Variants in APBB2 observed in about 807,000 individuals in gnomAD.
APBB2 encodes amyloid beta precursor protein binding family B member 2.
Under a neutral mutation model 82.5 loss-of-function variants are expected in APBB2, and 38 were observed. The ratio of observed to expected loss-of-function variants is 0.46; its 90% confidence interval spans 0.36 to 0.60. The LOEUF is 0.60. APBB2 is among the 20% of genes least tolerant of loss of function. The pLI is 0.00. For synonymous variants in APBB2, 341 were observed against 368.2 expected (o/e 0.93, Z 0.85); for missense variants, 772 against 972.3 (o/e 0.79, Z 2.74).
intron 10 of APBB2, among the ~76,000 whole-genome samples, chr4:40,894,714 T>C (rs956286532): frequency 2.0e-5 from 3 of 152,328 alleles, no homozygotes; most frequent in Admixed American, 6.5e-5. Context: ...TTTTTTAAGG[T>C]TCTGTAATTC....
intron 4 of APBB2, among the ~76,000 whole-genome samples, chr4:41,060,204 T>G (rs575977426): frequency 6.6e-6 from 1 of 152,058 alleles, no homozygotes; most frequent in Non-Finnish European, 1.5e-5. Context: ...TGGCAAAACC[T>G]GTGCCCAAGA....
At chr4:41,037,434 T>G (rs1360587058) in intron 4 of APBB2, among the ~76,000 whole-genome samples, 1 of 152,256 alleles carries the variant, frequency 6.6e-6, no homozygotes, top group Non-Finnish European at 1.5e-5. Context: ...ACATAGCGTA[T>G]ATTAAAACCA....
intron 2 of APBB2, among the ~76,000 whole-genome samples, chr4:41,139,264 G>A (rs528377471): frequency 1.3e-5 from 2 of 152,112 alleles, no homozygotes; most frequent in African/African-American, 4.8e-5. Flanking sequence ...AGAAAATCAT[G>A]ACCATATCAA....
At chr4:40,836,617 A>T (rs1754042916) in intron 12 of APBB2, among the ~76,000 whole-genome samples, 1 of 152,246 alleles carries the variant, frequency 6.6e-6, no homozygotes, top group Non-Finnish European at 1.5e-5. Flanking sequence ...GGAAGAGGGC[A>T]GGAGAAGCCC....
chr4:41,074,695 C>T (rs1202961519), intron 3 of APBB2, among the ~76,000 whole-genome samples: 9 of 151,326 alleles, frequency 5.9e-5, no homozygotes, highest in Non-Finnish European at 8.8e-5. Context: ...CTGCCAGCTC[C>T]GCCTCCCGGG....
chr4:41,024,553 A>C (rs888823462), intron 5 of APBB2, among the ~76,000 whole-genome samples: 36 of 152,254 alleles, frequency 2.4e-4, no homozygotes, highest in African/African-American at 8.7e-4. Context: ...AGTAGCAGGC[A>C]AAGCCTGGAC....
In APBB2 at chr4:40,953,626, C is replaced by G. The variant is rs147892777; in HGVS notation, c.836-8553G>C. Among the ~76,000 whole-genome samples, 785 of 152,320 alleles carry G rather than the reference C, an allele frequency of 5.2e-3. 6 individuals carry two copies. Among genetic ancestry groups the G allele is most frequent in the African/African-American group, 0.018 (735 of 41,568 alleles). On this transcript the variant is annotated intron_variant, in intron 6 of 17. Coordinates refer to ENST00000508593, the MANE Select transcript of APBB2 (RefSeq NM_004307.2). ...CTCCAGTAAATCCAGGCCAGCCACT[C>G]CAGCTGGCCCATATATTTCTAAAAC...
intron 2 of APBB2, among the ~76,000 whole-genome samples, chr4:41,129,494 T>C (rs1201113801): frequency 6.6e-6 from 1 of 152,192 alleles, no homozygotes; most frequent in Non-Finnish European, 1.5e-5. Context: ...ATTACTTGCT[T>C]TTTTACTTTT....
At chr4:40,936,295 A>C (rs1301212770) in intron 7 of APBB2, among the ~76,000 whole-genome samples, 1 of 152,260 alleles carries the variant, frequency 6.6e-6, no homozygotes, top group African/African-American at 2.4e-5. Flanking sequence ...TCTGTCACCC[A>C]GGCTGGAGTG....
intron 12 of APBB2, among the ~76,000 whole-genome samples, chr4:40,885,232 T>A (rs1769874987): frequency 6.6e-6 from 1 of 152,168 alleles, no homozygotes; most frequent in Non-Finnish European, 1.5e-5. Flanking sequence ...ACAAACCACA[T>A]GGCTCATGCA....
rs1280013930 is a variant in APBB2, at chr4:40,944,726, T to C, written c.1044+139A>G. 5 of 781,692 alleles carry C rather than the reference T, an allele frequency of 6.4e-6. No individual in the cohort carries two copies. The Admixed American group carries it at 1.2e-4, about 19-fold the overall frequency. 48.4% of individuals were successfully genotyped at this position (781,692 alleles called of 1,614,324 possible). ...AACACTATTTACTAAGAGGAAGCAT[T>C]ACTGAGATTTCAAATGCAACATGCA... On this transcript the variant is annotated intron_variant, in intron 7 of 17. Coordinates refer to ENST00000508593, the MANE Select transcript of APBB2 (RefSeq NM_004307.2).
intron 7 of APBB2, among the ~76,000 whole-genome samples, chr4:40,943,679 T>C (rs1390431433): frequency 1.3e-5 from 2 of 152,368 alleles, no homozygotes; most frequent in East Asian, 3.9e-4. Flanking sequence ...GGAATTATTA[T>C]GCTTCAATAA....
At chr4:41,154,228 T>C (rs1294920904) in intron 1 of APBB2, among the ~76,000 whole-genome samples, 2 of 152,186 alleles carry the variant, frequency 1.3e-5, no homozygotes, top group African/African-American at 4.8e-5. Flanking sequence ...CTTGTTTTTT[T>C]CCTCCAATAG....
At chr4:40,913,281 T>C (rs560369297) in intron 10 of APBB2, among the ~76,000 whole-genome samples, 10 of 152,026 alleles carry the variant, frequency 6.6e-5, no homozygotes, top group African/African-American at 2.2e-4. Context: ...AACAGGTATA[T>C]TTGCAATATG....
At chr4:41,160,131 C>A (rs1287657265) in intron 1 of APBB2, among the ~76,000 whole-genome samples, 1 of 152,062 alleles carries the variant, frequency 6.6e-6, no homozygotes, top group African/African-American at 2.4e-5. Flanking sequence ...GTGATTCAGA[C>A]AACAGTAATG....
chr4:41,190,510 A>G (rs1230233516), intron 1 of APBB2, among the ~76,000 whole-genome samples: 3 of 151,956 alleles, frequency 2.0e-5, no homozygotes, highest in African/African-American at 7.3e-5. Flanking sequence ...CAGCCTCCCA[A>G]AGCTCTGGGA....
At chr4:41,188,749 T>C (rs905602951) in intron 1 of APBB2, among the ~76,000 whole-genome samples, 1 of 151,904 alleles carries the variant, frequency 6.6e-6, no homozygotes, top group Non-Finnish European at 1.5e-5. Flanking sequence ...TCTAACCGGG[T>C]TAAAAGTGGT....
intron 6 of APBB2, among the ~76,000 whole-genome samples, chr4:41,003,712 G>A (rs759549690): frequency 1.6e-4 from 25 of 151,966 alleles, no homozygotes; most frequent in Non-Finnish European, 2.6e-4. Context: ...ATGACATTTC[G>A]ATTTTGGATT....
At chr4:41,059,948 C>T (rs1729213175) in intron 4 of APBB2, among the ~76,000 whole-genome samples, 1 of 151,610 alleles carries the variant, frequency 6.6e-6, no homozygotes, top group South Asian at 2.1e-4. Context: ...CCACTCCACT[C>T]CAGCCTATGT....
Sources: gnomAD v4.1 joint callset for allele counts (sites outside exome capture counted in the v4.1 genomes callset) on GRCh38, gnomAD v4.1.1 for gene constraint, MANE v1.5 for transcripts, NCBI Gene and HGNC (gene_info 2026-07-23, HGNC 2026-07-21) for gene names.